EML5: variants seen among roughly 807,000 people sequenced by gnomAD.
EML5 encodes the protein EMAP like 5.
A neutral mutation model predicts 250.0 loss-of-function variants in EML5; 120 were observed. The ratio of observed to expected loss-of-function variants is 0.48; its 90% CI spans 0.41 to 0.56. The LOEUF (loss-of-function observed/expected upper bound fraction) is 0.56, where lower values mean the gene tolerates loss of function less well. Ranked by LOEUF, EML5 falls within the 20% of genes least tolerant of loss-of-function variation. EML5 has a pLI of 0.00. For synonymous variants in EML5, 771 were observed against 806.5 expected (o/e 0.96, Z 0.75); for missense variants, 2,006 against 2,437.6 (o/e 0.82, Z 3.73).
At chr14:88,669,932 C>T (rs1410494508) in intron 21 of EML5, among the ~76,000 whole-genome samples, 4 of 152,104 alleles carry the variant, frequency 2.6e-5, no homozygotes, top group Admixed American at 6.5e-5. Flanking sequence ...ACTGGTGATA[C>T]CTCGAGGTGT....
chr14:88,636,167 T>A (rs2090714107), intron 32 of EML5, among the ~76,000 whole-genome samples: 1 of 152,142 alleles, frequency 6.6e-6, no homozygotes, highest in Non-Finnish European at 1.5e-5. Context: ...AGTCTGTCAC[T>A]GGGAGGACAG....
chr14:88,750,007 T>G (rs542562090), intron 2 of EML5, among the ~76,000 whole-genome samples: 2 of 152,218 alleles, frequency 1.3e-5, no homozygotes, highest in East Asian at 3.8e-4. Flanking sequence ...TACTGGAATA[T>G]AGCCACACTC....
At chr14:88,735,729 GC>G (rs887305393) in intron 7 of EML5, among the ~76,000 whole-genome samples, 1 of 152,048 alleles carries the variant, frequency 6.6e-6, no homozygotes, top group African/African-American at 2.4e-5. Flanking sequence ...TTCACTGCAA[GC>G]CCTGTATTTC....
chr14:88,658,607 T>TA (rs1343768977), intron 25 of EML5, among the ~76,000 whole-genome samples: 1 of 152,122 alleles, frequency 6.6e-6, no homozygotes, highest in African/African-American at 2.4e-5. Flanking sequence ...AAAATGCTGG[T>TA]ACCCCAGGCA....
chr14:88,663,139 A>T lies in EML5; in HGVS notation c.3410-20T>A. The T allele has an allele frequency of 6.7e-7, 1 of 1,493,302 alleles. No individual in the cohort carries two copies. The highest frequency in any genetic ancestry group is 9.0e-7 in the Non-Finnish European group (1 of 1,105,152). 92.5% of individuals were successfully genotyped at this position (1,493,302 alleles called of 1,614,324 possible). A position where few individuals can be genotyped will look rare whatever the true frequency, so the allele number is the denominator to read the frequency against. On this transcript the variant is annotated intron_variant, in intron 23 of 43. Coordinates refer to ENST00000554922, the MANE Select transcript of EML5 (RefSeq NM_183387.3). ...GCTTTCCTTCAAAAAAATTTTTAAA[A>T]ATATTTACACATATAAAATACATAC...
At chr14:88,718,861 G>C (rs1386293784) in intron 8 of EML5, among the ~76,000 whole-genome samples, 1 of 152,056 alleles carries the variant, frequency 6.6e-6, no homozygotes, top group East Asian at 1.9e-4. Context: ...CATTTCATGT[G>C]AAAAAATAAT....
intron 1 of EML5, among the ~76,000 whole-genome samples, chr14:88,779,773 T>G (rs954641523): frequency 6.6e-6 from 1 of 152,192 alleles, no homozygotes; most frequent in African/African-American, 2.4e-5. Context: ...ACTTGCTATC[T>G]ATACTGGCTT....
intron 27 of EML5, among the ~76,000 whole-genome samples, chr14:88,650,727 C>T (rs1235614972): frequency 1.3e-5 from 2 of 152,158 alleles, no homozygotes; most frequent in African/African-American, 2.4e-5. Context: ...CAGCCTCCAA[C>T]TCCTGGGCTG....
At chr14:88,634,109 T>C (rs1287801) in intron 33 of EML5, among the ~76,000 whole-genome samples, 90,037 of 152,016 alleles carry the variant, frequency 0.59, 28,960 homozygotes, top group Non-Finnish European at 0.73. Context: ...TGGGAGGTGA[T>C]TGGATCATGG....
intron 18 of EML5, among the ~76,000 whole-genome samples, chr14:88,687,935 G>A (rs1308044763): frequency 1.3e-5 from 2 of 152,098 alleles, no homozygotes; most frequent in African/African-American, 2.4e-5. Context: ...ATGGGTGTGG[G>A]TGGCACTTGC....
intron 23 of EML5, 43 bp downstream of exon 23, chr14:88,664,450 C>T: frequency 6.5e-7 from 1 of 1,530,990 alleles, no homozygotes; most frequent in South Asian, 1.3e-5. Flanking sequence ...TATACTAAAT[C>T]AAATGAAACT....
chr14:88,647,682 C>T (rs1409449575), intron 28 of EML5, among the ~76,000 whole-genome samples: 3 of 74,506 alleles, frequency 4.0e-5, no homozygotes, highest in African/African-American at 1.5e-4. Flanking sequence ...AGAGTGAGAC[C>T]GTCTCAAAAA....
At chr14:88,661,203 C>T (rs1429612683) in intron 25 of EML5, among the ~76,000 whole-genome samples, 1 of 152,164 alleles carries the variant, frequency 6.6e-6, no homozygotes, top group African/African-American at 2.4e-5. Flanking sequence ...ATCTTCCCAC[C>T]TCAGCCTCCT....
chr14:88,616,116 C>T (rs747512516), intron 43 of EML5, 26 bp downstream of exon 43: 4 of 1,609,532 alleles, frequency 2.5e-6, no homozygotes, highest in South Asian at 2.2e-5. Flanking sequence ...ATAGTCTGCT[C>T]TTCATGGGCT....
intron 17 of EML5, among the ~76,000 whole-genome samples, chr14:88,692,526 T>C (rs1206814693): frequency 6.6e-6 from 1 of 152,196 alleles, no homozygotes; most frequent in Non-Finnish European, 1.5e-5. Context: ...ACTGAAAATA[T>C]ACAGGAGGAT....
At position 88,721,546 on chromosome 14, in the gene EML5, G is replaced by A. The variant is rs146388283; in HGVS notation, c.1187+4995C>T. Among the ~76,000 whole-genome samples the A allele has an allele frequency of 2.5e-3, 375 of 152,230 alleles. 4 individuals are homozygous for A. The highest frequency in any genetic ancestry group is 3.9e-3 in the Admixed American group (59 of 15,304). On this transcript the variant is annotated intron_variant, in intron 8 of 43. Transcript: ENST00000554922. ...ATCTCCTATTCAATAAATGGTGCTG[G>A]GAAAACTGGCCAGCTATATGCGGAA... is the stretch of plus-strand genomic sequence containing the variant.
chr14:88,662,286 T>TAA (rs5810420), intron 24 of EML5, among the ~76,000 whole-genome samples: 6,352 of 103,444 alleles, frequency 0.061, 527 homozygotes, highest in African/African-American at 0.18. Flanking sequence ...AGATAAAAAA[T>TAA]AAAAAAAAAA....
At chr14:88,755,338 C>T (rs1261603206) in intron 1 of EML5, among the ~76,000 whole-genome samples, 1 of 152,172 alleles carries the variant, frequency 6.6e-6, no homozygotes. Flanking sequence ...AGCCTTCTTT[C>T]CCATTTTACT....
chr14:88,773,626 A>C (rs560033167), intron 1 of EML5, among the ~76,000 whole-genome samples: 1 of 152,328 alleles, frequency 6.6e-6, no homozygotes, highest in African/African-American at 2.4e-5. Context: ...TAAAAACAGA[A>C]ACAAACAACA....
Sources: gnomAD v4.1 joint callset for allele counts (sites outside exome capture counted in the v4.1 genomes callset) on GRCh38, gnomAD v4.1.1 for gene constraint, MANE v1.5 for transcripts, NCBI Gene and HGNC (gene_info 2026-07-23, HGNC 2026-07-21) for gene names.